The following DCST2 variants were observed in gnomAD, a reference collection of about 807,000 sequenced individuals.
The protein encoded by DCST2 is DC-STAMP domain-containing protein 2.
In DCST2, 64 loss-of-function variants were observed where a neutral mutation model predicts 81.8. That is an observed-to-expected ratio of 0.78 (90% CI 0.64 to 0.96). The LOEUF is 0.96. DCST2 is among the 40% of genes least tolerant of loss of function. DCST2 has a pLI of 0.00. For missense variants in DCST2, 945 were observed against 1,001.4 expected (o/e 0.94, Z 0.76); for synonymous variants, 354 against 402.6 (o/e 0.88, Z 1.44).
chr1:155,033,017 C>G, intron 2 of DCST2, 77 bp downstream of exon 2: 2 of 1,435,902 alleles, frequency 1.4e-6, no homozygotes, highest in Non-Finnish European at 1.9e-6. Flanking sequence ...AGAAGGAGGC[C>G]AAAGGACTGT....
chr1:155,023,467 G>A lies in DCST2; in HGVS notation c.1871-10C>T. ...GTGAGGCAGTAGAGACCTGGTGGAG[G>A]CCATGGGGAATGGAGGTGAACCCGA... On this transcript the variant is annotated splice_polypyrimidine_tract_variant and intron_variant, in intron 12 of 14. Transcript: ENST00000368424. The A allele has an allele frequency of 4.4e-6, 7 of 1,580,550 alleles. No individual in the cohort carries two copies. Among genetic ancestry groups the A allele is most frequent in the Non-Finnish European group, 5.2e-6 (6 of 1,162,940 alleles).
Position 155,030,077 on chromosome 1 carries a change from C to T in DCST2, c.1177+7G>A, listed in dbSNP as rs921779260. Reference sequence around the variant, plus strand: ...GCTTGGGCTCTCCCTGTCCTCAGGGCCCTCACCCGGTGGGATGTAGCGCCT... The same window carrying T: ...GCTTGGGCTCTCCCTGTCCTCAGGGTCCTCACCCGGTGGGATGTAGCGCCT... On this transcript the variant is annotated splice_region_variant and intron_variant, in intron 7 of 14. Transcript: ENST00000368424. 13 of 1,612,676 alleles carry T rather than the reference C, an allele frequency of 8.1e-6. No homozygotes were observed. The highest frequency in any genetic ancestry group is 1.3e-5 in the African/African-American group (1 of 74,876).
At position 155,023,261 on chromosome 1, in the gene DCST2, G is replaced by A. The variant is rs368323169; in HGVS notation, c.1965-4C>T. 58 of 1,614,120 alleles carry A rather than the reference G, an allele frequency of 3.6e-5. 1 individual carries two copies. The South Asian group carries it at 6.4e-4, about 18-fold the overall frequency. The stretch of plus-strand genomic sequence containing the variant: ...GCCCTCCTCATCGCTGGAGTCCCTG[G>A]AGAAGACTCTCATCTCAGTGGCCTG... On this transcript the variant is annotated splice_region_variant and splice_polypyrimidine_tract_variant and intron_variant, in intron 13 of 14. Coordinates refer to ENST00000368424, the MANE Select transcript of DCST2 (RefSeq NM_144622.3).
At chr1:155,026,274 G>A in intron 10 of DCST2, 28 bp downstream of exon 10, 1 of 1,611,150 alleles carries the variant, frequency 6.2e-7, no homozygotes, top group East Asian at 2.2e-5. Flanking sequence ...AGGGGGCAGG[G>A]ACTAGCTCCC....
chr1:155,021,388 C>T (rs987636623), intron 14 of DCST2, among the ~76,000 whole-genome samples: 1 of 151,948 alleles, frequency 6.6e-6, no homozygotes, highest in Non-Finnish European at 1.5e-5. Flanking sequence ...CGGCCCACCT[C>T]GGCCTCCCAA....
At chr1:155,027,630 G>A (rs1293816018) in intron 8 of DCST2, among the ~76,000 whole-genome samples, 3 of 140,522 alleles carry the variant, frequency 2.1e-5, no homozygotes, top group Admixed American at 1.5e-4. Flanking sequence ...GTGTGATCTC[G>A]GCTCACTGCA....
rs1659650210 is a variant in DCST2, at chr1:155,018,733, C to CTG, written c.2131_2132dup (p.Gln711HisfsTer?). The CTG allele has an allele frequency of 6.2e-7, 1 of 1,613,362 alleles. No individual in the cohort carries two copies. Among genetic ancestry groups the CTG allele is most frequent in the South Asian group, 1.1e-5 (1 of 91,054 alleles). On this transcript the variant is annotated frameshift_variant, in exon 15 of 15. Transcript: ENST00000368424. LOFTEE classifies it low-confidence loss of function (END_TRUNC). ...AGGGCTGCTGCCCGTGCTTCCTCTG[C>CTG]TGAGGCCCCTTCTCCTCATCCAGGT...
Position 155,020,564 on chromosome 1 carries a change from A to C in DCST2, c.2106-1804T>G, listed in dbSNP as rs1571540518. Among the ~76,000 whole-genome samples, 3 of 152,020 alleles carry C rather than the reference A, an allele frequency of 2.0e-5. No homozygotes were observed. The South Asian group carries it at 6.2e-4, about 32-fold the overall frequency. On this transcript the variant is annotated intron_variant, in intron 14 of 14. Transcript: ENST00000368424. ...GTATTTTTAGTAGAGACAAGGTTTT[A>C]CCATGTTGGCCAGGCTGGTTTCAAA...
Position 155,027,180 on chromosome 1 carries a change from G to A in DCST2, c.1343-465C>T, listed in dbSNP as rs151331695. On this transcript the variant is annotated intron_variant, in intron 8 of 14. Transcript: ENST00000368424. Reference sequence around the variant, plus strand: ...CCCAAGTTGCTGGGACTATAGGCACGTGCCACCACGACCGGCTATTTTTTT... The same window carrying A: ...CCCAAGTTGCTGGGACTATAGGCACATGCCACCACGACCGGCTATTTTTTT... Among the ~76,000 whole-genome samples, 589 of 148,970 alleles carry A rather than the reference G, an allele frequency of 4.0e-3. 2 individuals carry two copies. Among genetic ancestry groups the A allele is most frequent in the Admixed American group, 5.9e-3 (87 of 14,820 alleles).
chr1:155,022,207 C>A (rs930005130), intron 14 of DCST2, among the ~76,000 whole-genome samples: 4 of 152,158 alleles, frequency 2.6e-5, no homozygotes, highest in Non-Finnish European at 5.9e-5. Flanking sequence ...ATATCACTTT[C>A]CAACCTAAGC....
Position 155,033,085 on chromosome 1 carries a change from G to C in DCST2, c.439+9C>G. On this transcript the variant is annotated intron_variant, in intron 2 of 14. Coordinates refer to ENST00000368424, the MANE Select transcript of DCST2 (RefSeq NM_144622.3). ...CCGTGGGAGACAGTGGTAGAGGTGGGGGACTTACTGACAAGAGGTTGCTTG... is the reference window on the plus strand; with the variant it reads ...CCGTGGGAGACAGTGGTAGAGGTGGCGGACTTACTGACAAGAGGTTGCTTG... 6.4e-7 allele frequency: 1 copy of C among 1,556,018 alleles called. No individual in the cohort carries two copies. The highest frequency in any genetic ancestry group is 1.2e-5 in the South Asian group (1 of 82,756).
intron 10 of DCST2, 136 bp downstream of exon 10, chr1:155,026,166 T>G: frequency 1.3e-6 from 1 of 779,938 alleles, no homozygotes; most frequent in Non-Finnish European, 2.1e-6. Flanking sequence ...TCCAGGTCAT[T>G]TGCTTTGGAG....
At chr1:155,031,004 G>C (rs1660057245) in intron 5 of DCST2, 165 bp downstream of exon 5, 2 of 767,122 alleles carry the variant, frequency 2.6e-6, no homozygotes, top group Non-Finnish European at 4.1e-6. Flanking sequence ...CCCGTTTCCT[G>C]ATCTGTACAG....
In DCST2 at chr1:155,033,149, C is replaced by T. The variant is rs1425885604; in HGVS notation, c.384G>A (p.Glu128=). 1.2e-6 allele frequency: 2 copies of T among 1,609,148 alleles called. No individual in the cohort carries two copies. Among genetic ancestry groups the T allele is most frequent in the Admixed American group, 1.7e-5 (1 of 59,270 alleles). ...RASEAVACGA[E]LALNQTAEVL... ...CTTCGGCGGTCTGGTTCAGGGCCAGCTCTGCCCCACAGGCTACAGCCTCGC... is the reference window on the plus strand; with the variant it reads ...CTTCGGCGGTCTGGTTCAGGGCCAGTTCTGCCCCACAGGCTACAGCCTCGC... The change falls in exon 2 of 15, where the codon GAG becomes GAA. Residue 128 remains glutamate (E), a synonymous_variant. Coordinates refer to ENST00000368424, the MANE Select transcript of DCST2 (RefSeq NM_144622.3).
At chr1:155,030,016 AG>A in intron 7 of DCST2, 67 bp downstream of exon 7, 1 of 1,596,858 alleles carries the variant, frequency 6.3e-7, no homozygotes, top group South Asian at 1.1e-5. Flanking sequence ...GCTTAGGGGC[AG>A]GGCAGCGGGG....
At chr1:155,031,529 A>ACCC in intron 4 of DCST2, 45 bp downstream of exon 4, 1 of 536,644 alleles carries the variant, frequency 1.9e-6, no homozygotes, top group Admixed American at 2.8e-5. Flanking sequence ...ACCCCACCCC[A>ACCC]CCCCACATCG....
rs764666751 is a variant in DCST2, at chr1:155,031,681, C to A, written c.632G>T (p.Arg211Leu). The A allele has an allele frequency of 6.2e-7, 1 of 1,614,166 alleles. No individual in the cohort carries two copies. ...ELGNPYLKCA[R>L]VFDDAKDSCM... ...GCTGTCCTTGGCATCATCGAAAACC[C>A]GTGCACACTTCAGGTAAGGGTTGCC... The change falls in exon 4 of 15, where the codon CGG (arginine) becomes CTG (leucine). Residue 211 changes from arginine to leucine, a missense_variant. Transcript: ENST00000368424.
At chr1:155,019,072 C>T (rs893413638) in intron 14 of DCST2, among the ~76,000 whole-genome samples, 4 of 152,192 alleles carry the variant, frequency 2.6e-5, no homozygotes, top group Non-Finnish European at 5.9e-5. Context: ...TATCCTTTCA[C>T]TGGGCCCTCT....
chr1:155,020,332 A>G (rs1659716054), intron 14 of DCST2, among the ~76,000 whole-genome samples: 1 of 152,154 alleles, frequency 6.6e-6, no homozygotes, highest in Non-Finnish European at 1.5e-5. Context: ...TCCTGGCAAC[A>G]GTGATGCAGG....
Sources: allele counts gnomAD v4.1 joint callset (sites outside exome capture counted in the v4.1 genomes callset), GRCh38; gene constraint gnomAD v4.1.1; transcripts MANE v1.5; gene names NCBI Gene and HGNC (gene_info 2026-07-23, HGNC 2026-07-21).